AIMP2: variants seen among roughly 807,000 people sequenced by gnomAD.
AIMP2 encodes aminoacyl tRNA synthase complex-interacting multifunctional protein 2.
A neutral mutation model predicts 23.4 loss-of-function variants in AIMP2; 20 were observed. The ratio of observed to expected loss-of-function variants is 0.85; its 90% CI spans 0.60 to 1.24. AIMP2 has a LOEUF of 1.24. AIMP2 is among the 50% of genes most tolerant of loss of function. The pLI is 0.00. For missense variants in AIMP2, 515 were observed against 414.5 expected, an observed-to-expected ratio of 1.24 and a Z score of -2.10; for synonymous variants, 210 against 170.4, an observed-to-expected ratio of 1.23 and a Z score of -1.81.
At position 6,009,974 on chromosome 7, in the gene AIMP2, A is replaced by AAAATATACATATATATAT; in HGVS notation, c.135+477_135+478insAATATACATATATATATA. 4.9e-4 allele frequency among the ~76,000 whole-genome samples: 13 copies of AAAATATACATATATATAT among 26,674 alleles called. 1 individual carries two copies. Among genetic ancestry groups the AAAATATACATATATATAT allele is most frequent in the African/African-American group, 1.5e-3 (11 of 7,146 alleles). 17.5% of individuals were successfully genotyped at this position (26,674 alleles called of 152,430 possible). A position where few individuals can be genotyped will look rare whatever the true frequency, so the allele number is the denominator to read the frequency against. ...CAAAAAAAAAAAAAAAAAAAAAAAAAATATATATATATATATATGTATGTA... is the reference window on the plus strand; with the variant it reads ...CAAAAAAAAAAAAAAAAAAAAAAAAAAAATATACATATATATATATATATATATATATATATGTATGTA... On this transcript the variant is annotated intron_variant, in intron 1 of 3. Coordinates refer to ENST00000223029, the MANE Select transcript of AIMP2 (RefSeq NM_006303.4).
chr7:6,021,888 G>C (rs1787446774), intron 3 of AIMP2, among the ~76,000 whole-genome samples: 1 of 152,146 alleles, frequency 6.6e-6, no homozygotes, highest in Non-Finnish European at 1.5e-5. Flanking sequence ...CAAAAAGTCA[G>C]ACAAATTATG....
chr7:6,009,974 A>AAAAAATATATATATATAT lies in AIMP2; in HGVS notation c.135+477_135+478insAAAATATATATATATATA. The stretch of plus-strand genomic sequence containing the variant: ...CAAAAAAAAAAAAAAAAAAAAAAAA[A>AAAAAATATATATATATAT]ATATATATATATATATATGTATGTA... On this transcript the variant is annotated intron_variant, in intron 1 of 3. Coordinates refer to ENST00000223029, the MANE Select transcript of AIMP2 (RefSeq NM_006303.4). 1.1e-3 allele frequency among the ~76,000 whole-genome samples: 30 copies of AAAAAATATATATATATAT among 26,632 alleles called. 1 individual carries two copies. Among genetic ancestry groups the AAAAAATATATATATATAT allele is most frequent in the Non-Finnish European group, 1.7e-3 (25 of 14,606 alleles). The allele number at this position is 26,632 out of a possible 152,430, so 17.5% of individuals were successfully genotyped here.
chr7:6,014,504 T>C (rs1786893259), intron 1 of AIMP2, among the ~76,000 whole-genome samples: 1 of 71,814 alleles, frequency 1.4e-5, no homozygotes, highest in Admixed American at 1.1e-4. Flanking sequence ...GTGATCCACC[T>C]GCCCTCAAGC....
intron 2 of AIMP2, 112 bp downstream of exon 2, chr7:6,015,464 C>A: frequency 1.7e-6 from 2 of 1,170,778 alleles, no homozygotes; most frequent in South Asian, 2.7e-5. Context: ...GTGGCTCACG[C>A]CTGTAATTCC....
Position 6,023,524 on chromosome 7 carries a change from A to G in AIMP2, c.796A>G (p.Ser266Gly). ...FRSMNSALGK[S>G]PWLAGNELTV... is the part of the protein sequence containing the mutation. The stretch of plus-strand genomic sequence containing the variant: ...CTCCATGAACTCTGCTCTTGGGAAG[A>G]GCCCTTGGCTCGCTGGGAATGAACT... Residue 266 changes from serine to glycine, a missense_variant, in exon 4 of 4, where the codon AGC (serine) becomes GGC (glycine). Transcript: ENST00000223029. 1 of 1,614,226 alleles carries G rather than the reference A, an allele frequency of 6.2e-7. No homozygotes were observed. Among genetic ancestry groups the G allele is most frequent in the Middle Eastern group, 1.7e-4 (1 of 6,060 alleles).
At chr7:6,019,216 T>C (rs1047465823) in intron 3 of AIMP2, among the ~76,000 whole-genome samples, 2 of 151,818 alleles carry the variant, frequency 1.3e-5, no homozygotes, top group African/African-American at 4.8e-5. Flanking sequence ...AAATTGCATG[T>C]TGCAGTCAAA....
At chr7:6,019,248 G>A (rs1348761445) in intron 3 of AIMP2, among the ~76,000 whole-genome samples, 2 of 151,328 alleles carry the variant, frequency 1.3e-5, no homozygotes, top group African/African-American at 4.9e-5. Context: ...GGGAGGCCGA[G>A]GCGGGCAGAT....
chr7:6,012,592 C>T (rs1313861191), intron 1 of AIMP2: 1 of 219,120 alleles, frequency 4.6e-6, no homozygotes, highest in African/African-American at 2.3e-5. Flanking sequence ...GAGTCTCACT[C>T]TGTCACCCAG....
In AIMP2 at chr7:6,009,387, C is replaced by T. The variant is rs752395765; in HGVS notation, c.24C>T (p.Pro8=). The part of the protein sequence containing the change: MPMYQVK[P]YHGGGAPLRV... Reference sequence around the variant, plus strand: ...CCATGCCGATGTACCAGGTAAAGCCCTATCACGGGGGCGGCGCGCCTCTCC... The same window carrying T: ...CCATGCCGATGTACCAGGTAAAGCCTTATCACGGGGGCGGCGCGCCTCTCC... Residue 8 remains proline, a synonymous_variant, in exon 1 of 4, where the codon CCC becomes CCT. Coordinates refer to ENST00000223029, the MANE Select transcript of AIMP2 (RefSeq NM_006303.4). 3.1e-6 allele frequency: 5 copies of T among 1,611,758 alleles called. No individual in the cohort carries two copies. In the African/African-American group the frequency reaches 4.0e-5, roughly 13 times the overall value.
chr7:6,012,930 A>G (rs1316156954), intron 1 of AIMP2: 5 of 989,750 alleles, frequency 5.1e-6, no homozygotes, highest in Non-Finnish European at 6.0e-6. Flanking sequence ...CTGACGTTTG[A>G]TCTTAAATAA....
At chr7:6,016,172 T>G (rs2128878566) in intron 2 of AIMP2, among the ~76,000 whole-genome samples, 1 of 152,282 alleles carries the variant, frequency 6.6e-6, no homozygotes. Context: ...TTGAACTCAG[T>G]TTGCTGTATT....
At chr7:6,022,910 G>A in intron 3 of AIMP2, 1 of 191,164 alleles carries the variant, frequency 5.2e-6, no homozygotes, top group South Asian at 1.2e-4. Flanking sequence ...GCGAGTTCAT[G>A]TCATTCATAT....
intron 1 of AIMP2, among the ~76,000 whole-genome samples, chr7:6,009,833 C>G (rs1786433891): frequency 6.7e-6 from 1 of 148,838 alleles, no homozygotes; most frequent in South Asian, 2.1e-4. Flanking sequence ...CCTGTAATCC[C>G]AGCTACTCGG....
chr7:6,019,895 G>A (rs1345861311), intron 3 of AIMP2, among the ~76,000 whole-genome samples: 1 of 151,748 alleles, frequency 6.6e-6, no homozygotes, highest in Non-Finnish European at 1.5e-5. Flanking sequence ...GGTGGTGCGT[G>A]CCTGTAGTCC....
At position 6,009,409 on chromosome 7, in the gene AIMP2, C is replaced by A. The variant is rs768787708; in HGVS notation, c.46C>A (p.Leu16Ile). ...GCCCTATCACGGGGGCGGCGCGCCT[C>A]TCCGTGTGGAGCTTCCCACCTGCAT... The part of the protein sequence containing the change: ...VKPYHGGGAP[L>I]RVELPTCMYR... The change falls in exon 1 of 4, where the codon CTC becomes ATC. Residue 16 changes from leucine (L) to isoleucine (I), a missense_variant. Physicochemically the swap from Leu to Ile is conservative, Grantham distance 5 (BLOSUM62 2). Transcript: ENST00000223029. 6.2e-7 allele frequency: 1 copy of A among 1,611,622 alleles called. No individual in the cohort carries two copies. The highest frequency in any genetic ancestry group is 8.5e-7 in the Non-Finnish European group (1 of 1,180,004).
At chr7:6,009,525 T>TGCGCACGCGCGGC in intron 1 of AIMP2, 27 bp downstream of exon 1, 1 of 1,431,070 alleles carries the variant, frequency 7.0e-7, no homozygotes, top group Non-Finnish European at 9.1e-7. Context: ...CCCCGCCCAG[T>TGCGCACGCGCGGC]GCGCACGCGC....
chr7:6,020,670 G>A (rs2128881158), intron 3 of AIMP2, among the ~76,000 whole-genome samples: 1 of 152,306 alleles, frequency 6.6e-6, no homozygotes, highest in African/African-American at 2.4e-5. Context: ...CCAAGAGGCA[G>A]CAGACAAGTT....
At position 6,018,046 on chromosome 7, in the gene AIMP2, G is replaced by C; in HGVS notation, c.574+1G>C. ...GGATTCACTTTAATTTGGAAGAATG[G>C]TAAGTAGACGGGACTGAGTTCAACT... On this transcript the variant is annotated splice_donor_variant, in intron 3 of 3. Transcript: ENST00000223029. LOFTEE classifies it high-confidence loss of function. 6.2e-7 allele frequency: 1 copy of C among 1,610,524 alleles called. No homozygotes were observed. The highest frequency in any genetic ancestry group is 1.1e-5 in the South Asian group (1 of 90,412).
Position 6,023,681 on chromosome 7 carries a change from T to C in AIMP2, c.953T>C (p.Leu318Pro). 6.2e-7 allele frequency: 1 copy of C among 1,614,100 alleles called. No individual in the cohort carries two copies. The highest frequency in any genetic ancestry group is 8.5e-7 in the Non-Finnish European group (1 of 1,180,028). Reference sequence around the variant, plus strand: ...GCTCCTTTTAACACGGCCCTCAAGCTCCTTAAGTGAATTGCCGTAACTGAT... The same window carrying C: ...GCTCCTTTTAACACGGCCCTCAAGCCCCTTAAGTGAATTGCCGTAACTGAT... ...NLAPFNTALK[L>P]LK Residue 318 changes from leucine to proline, a missense_variant, in exon 4 of 4, where the codon CTC (leucine) becomes CCC (proline). Physicochemically the swap from Leu to Pro is moderately conservative, Grantham distance 98. Coordinates refer to ENST00000223029, the MANE Select transcript of AIMP2 (RefSeq NM_006303.4).
Sources: gnomAD v4.1 joint callset for allele counts (sites outside exome capture counted in the v4.1 genomes callset) on GRCh38, gnomAD v4.1.1 for gene constraint, MANE v1.5 for transcripts, NCBI Gene and HGNC (gene_info 2026-07-23, HGNC 2026-07-21) for gene names.